Variants in DCC observed in about 807,000 individuals in gnomAD.
DCC encodes netrin receptor DCC.
DCC carries 58 observed loss-of-function variants against 172.5 expected under a neutral mutation model. That is an observed-to-expected ratio of 0.34 (90% CI 0.27 to 0.42). The LOEUF (loss-of-function observed/expected upper bound fraction) is 0.42, where lower values mean the gene tolerates loss of function less well. Among genes scored for constraint, DCC ranks in the 10% least tolerant of loss-of-function variants. The pLI is 1.00. For synonymous variants in DCC, 709 were observed against 644.5 expected, an observed-to-expected ratio of 1.10 and a Z score of -1.52; for missense variants, 1,740 against 1,791.0, an observed-to-expected ratio of 0.97 and a Z score of 0.51.
intron 12 of DCC, among the ~76,000 whole-genome samples, chr18:53,286,514 C>A (rs1440813505): frequency 1.3e-5 from 2 of 152,062 alleles, no homozygotes; most frequent in African/African-American, 2.4e-5. Context: ...TGTAAATTGC[C>A]CAGTCTCAAG....
At chr18:52,610,167 AAAAAAAAAAAAATAT>A (rs2034230556) in intron 1 of DCC, among the ~76,000 whole-genome samples, 2 of 23,044 alleles carry the variant, frequency 8.7e-5, no homozygotes, top group East Asian at 8.4e-4. Flanking sequence ...AAAAAAAAAA[AAAAAAAAAAAAATAT>A]ATATATATAT....
chr18:53,093,302 A>G (rs2043040203), intron 7 of DCC, among the ~76,000 whole-genome samples: 1 of 152,182 alleles, frequency 6.6e-6, no homozygotes, highest in Non-Finnish European at 1.5e-5. Context: ...ATATAAAATA[A>G]ATAATAAAAT....
At chr18:52,900,769 G>A (rs1236081386) in intron 2 of DCC, among the ~76,000 whole-genome samples, 1 of 152,196 alleles carries the variant, frequency 6.6e-6, no homozygotes. Context: ...AACACCAGGT[G>A]TTCCTGTATT....
intron 5 of DCC, among the ~76,000 whole-genome samples, chr18:53,029,307 C>A (rs1046682716): frequency 2.6e-5 from 4 of 152,136 alleles, no homozygotes; most frequent in Non-Finnish European, 5.9e-5. Context: ...AAATAAATTT[C>A]TATTGCTTCA....
rs2033380367 is a variant in DCC, at chr18:52,575,151, A to G, written c.92-176903A>G. On this transcript the variant is annotated intron_variant, in intron 1 of 28. Transcript: ENST00000442544. ...ATGTCATTAAGATGTGAGTAGCCCAAGACTTTAATGAGTTATATTTTTCTG... is the reference window on the plus strand; with the variant it reads ...ATGTCATTAAGATGTGAGTAGCCCAGGACTTTAATGAGTTATATTTTTCTG... Among the ~76,000 whole-genome samples, 3 of 152,328 alleles carry G rather than the reference A, an allele frequency of 2.0e-5. No homozygotes were observed. The South Asian group carries it at 6.2e-4, about 32-fold the overall frequency.
intron 2 of DCC, among the ~76,000 whole-genome samples, chr18:52,808,536 A>G (rs1020119065): frequency 3.3e-5 from 5 of 152,192 alleles, no homozygotes; most frequent in African/African-American, 1.2e-4. Context: ...ACTGTTAGAA[A>G]AGAAAAAATA....
intron 7 of DCC, among the ~76,000 whole-genome samples, chr18:53,085,581 C>T (rs2042866461): frequency 6.6e-6 from 1 of 151,964 alleles, no homozygotes; most frequent in African/African-American, 2.4e-5. Flanking sequence ...TCCTGAATTG[C>T]TGAAATATTA....
chr18:52,392,156 C>A (rs1161588353), intron 1 of DCC, among the ~76,000 whole-genome samples: 1 of 152,136 alleles, frequency 6.6e-6, no homozygotes, highest in Non-Finnish European at 1.5e-5. Context: ...CAACGTGAAG[C>A]TCTAGGTAAG....
At chr18:53,357,577 T>G (rs751805848) in intron 15 of DCC, among the ~76,000 whole-genome samples, 3 of 152,198 alleles carry the variant, frequency 2.0e-5, no homozygotes, top group Non-Finnish European at 4.4e-5. Context: ...AAGTGCATCA[T>G]AAGTATTGGT....
At chr18:52,867,412 T>A (rs1469037494) in intron 2 of DCC, among the ~76,000 whole-genome samples, 1 of 152,170 alleles carries the variant, frequency 6.6e-6, no homozygotes, top group Admixed American at 6.5e-5. Flanking sequence ...TTAGGGAAGA[T>A]TCCCTCTTTT....
At chr18:53,291,638 T>G (rs1462996499) in intron 12 of DCC, among the ~76,000 whole-genome samples, 1 of 152,200 alleles carries the variant, frequency 6.6e-6, no homozygotes, top group Admixed American at 6.5e-5. Flanking sequence ...CTGATGTATT[T>G]CTATTCCAGC....
At chr18:52,886,479 C>G (rs1326243742) in intron 2 of DCC, among the ~76,000 whole-genome samples, 2 of 152,200 alleles carry the variant, frequency 1.3e-5, no homozygotes, top group Non-Finnish European at 2.9e-5. Flanking sequence ...AGTCGCTGTG[C>G]TGTCTGTCCC....
intron 1 of DCC, among the ~76,000 whole-genome samples, chr18:52,509,607 C>A (rs1412254422): frequency 6.6e-6 from 1 of 152,184 alleles, no homozygotes; most frequent in African/African-American, 2.4e-5. Context: ...GCTACATAAA[C>A]AAATGTCCTA....
At chr18:53,263,318 A>T (rs2056628074) in intron 12 of DCC, among the ~76,000 whole-genome samples, 1 of 151,770 alleles carries the variant, frequency 6.6e-6, no homozygotes, top group East Asian at 1.9e-4. Flanking sequence ...TGTCTGGCTA[A>T]TTTTTATATT....
chr18:53,074,278 G>A (rs763484985), intron 7 of DCC, among the ~76,000 whole-genome samples: 1 of 152,100 alleles, frequency 6.6e-6, no homozygotes, highest in African/African-American at 2.4e-5. Flanking sequence ...AATGTTAACC[G>A]ACCCAAGCAG....
In DCC at chr18:52,815,247, A is replaced by G. The variant is rs1319994202; in HGVS notation, c.412+62873A>G. ...GTGTCCCCTCAAAATACATGTGTTG[A>G]AGCCCTATCCCTCAATGTGGCTGTA... is the stretch of plus-strand genomic sequence containing the variant. On this transcript the variant is annotated intron_variant, in intron 2 of 28. Coordinates refer to ENST00000442544, the MANE Select transcript of DCC (RefSeq NM_005215.4). Among the ~76,000 whole-genome samples, 7 of 152,288 alleles carry G rather than the reference A, an allele frequency of 4.6e-5. No homozygotes were observed. In the East Asian group the frequency reaches 1.4e-3, roughly 29 times the overall value.
chr18:52,699,539 T>G (rs2036072377), intron 1 of DCC, among the ~76,000 whole-genome samples: 1 of 152,198 alleles, frequency 6.6e-6, no homozygotes, highest in Admixed American at 6.5e-5. Flanking sequence ...CATTCATGAA[T>G]ATGTTAATCA....
intron 1 of DCC, among the ~76,000 whole-genome samples, chr18:52,712,124 C>T (rs535936613): frequency 6.6e-6 from 1 of 152,090 alleles, no homozygotes; most frequent in East Asian, 1.9e-4. Context: ...CCACACCCAG[C>T]TAATTATTGT....
At chr18:52,889,673 ATTAG>A (rs1212894281) in intron 2 of DCC, among the ~76,000 whole-genome samples, 13 of 152,126 alleles carry the variant, frequency 8.5e-5, no homozygotes, top group African/African-American at 3.1e-4. Flanking sequence ...CAAAACATTT[ATTAG>A]TTGTTTCAAA....
Sources: gnomAD v4.1 joint callset for allele counts (sites outside exome capture counted in the v4.1 genomes callset) on GRCh38, gnomAD v4.1.1 for gene constraint, MANE v1.5 for transcripts, NCBI Gene and HGNC (gene_info 2026-07-23, HGNC 2026-07-21) for gene names.